KCNK2: variants seen among roughly 807,000 people sequenced by gnomAD.
KCNK2 encodes potassium two pore domain channel subfamily K member 2.
KCNK2 carries 21 observed loss-of-function variants against 40.5 expected under a neutral mutation model. The ratio of observed to expected loss-of-function variants is 0.52; its 90% CI spans 0.37 to 0.75. KCNK2 has a LOEUF of 0.75. Among genes scored for constraint, KCNK2 ranks in the 30% least tolerant of loss-of-function variants. The pLI, the probability that KCNK2 is intolerant of heterozygous loss-of-function variation, is 0.00. For missense variants in KCNK2, 399 were observed against 531.6 expected (o/e 0.75, Z 2.45); for synonymous variants, 191 against 202.2 (o/e 0.94, Z 0.47).
intron 3 of KCNK2, among the ~76,000 whole-genome samples, chr1:215,142,042 A>G (rs1662197012): frequency 2.6e-5 from 4 of 151,862 alleles, no homozygotes; most frequent in Admixed American, 2.6e-4. Flanking sequence ...GAAATCTTTT[A>G]TATTCTGTGA....
intron 5 of KCNK2, among the ~76,000 whole-genome samples, chr1:215,184,765 A>G (rs1664361469): frequency 6.6e-6 from 1 of 152,184 alleles, no homozygotes; most frequent in African/African-American, 2.4e-5. Context: ...GATTATGGGA[A>G]CTACAATTCA....
chr1:215,219,789 T>G (rs538333816), intron 6 of KCNK2, among the ~76,000 whole-genome samples: 1 of 152,358 alleles, frequency 6.6e-6, no homozygotes, highest in African/African-American at 2.4e-5. Context: ...CGTAATCCAA[T>G]GGGTTATAAT....
intron 2 of KCNK2, among the ~76,000 whole-genome samples, chr1:215,093,218 C>T (rs1265969988): frequency 6.6e-6 from 1 of 151,346 alleles, no homozygotes; most frequent in African/African-American, 2.4e-5. Context: ...CAAAAGATTT[C>T]AAGGATATTT....
chr1:215,195,424 A>G (rs1664824924), intron 6 of KCNK2, among the ~76,000 whole-genome samples: 1 of 151,832 alleles, frequency 6.6e-6, no homozygotes, highest in Non-Finnish European at 1.5e-5. Context: ...TATTCTGTAA[A>G]TAAAAATATA....
At position 215,232,065 on chromosome 1, in the gene KCNK2, A is replaced by G. The variant is rs141692671; in HGVS notation, c.964-2763A>G. ...GGTGGGAACACAGCAAAGCCATATC[A>G]ATACTCATGCCTTTCGACCCAGTGT... is the stretch of plus-strand genomic sequence containing the variant. On this transcript the variant is annotated intron_variant, in intron 6 of 6. Transcript: ENST00000444842. Among the ~76,000 whole-genome samples, 20 of 152,318 alleles carry G rather than the reference A, an allele frequency of 1.3e-4. No individual in the cohort carries two copies. In the East Asian group the frequency reaches 3.3e-3, roughly 25 times the overall value.
chr1:215,157,678 T>G (rs1662993713), intron 3 of KCNK2, among the ~76,000 whole-genome samples: 1 of 152,204 alleles, frequency 6.6e-6, no homozygotes, highest in African/African-American at 2.4e-5. Context: ...CTTAAGGCAA[T>G]GAAGATGCTG....
chr1:215,211,554 T>C (rs965448269), intron 6 of KCNK2, among the ~76,000 whole-genome samples: 1 of 152,114 alleles, frequency 6.6e-6, no homozygotes, highest in Non-Finnish European at 1.5e-5. Context: ...CTACTGGCTG[T>C]CTCTCTTCCT....
Position 215,083,079 on chromosome 1 carries a change from C to G in KCNK2, c.-307C>G, listed in dbSNP as rs1378254104. 7.7e-6 allele frequency: 3 copies of G among 389,520 alleles called. No individual in the cohort carries two copies. The highest frequency in any genetic ancestry group is 1.4e-5 in the Non-Finnish European group (3 of 220,682). 24.1% of individuals were successfully genotyped at this position (389,520 alleles called of 1,614,324 possible). ...CCCGCGCTCTCCGGGTGACCCGGGC[C>G]CGGCAGCAGGCGCGCGCGGGGGCGG... On this transcript the variant is annotated 5_prime_UTR_variant, in exon 1 of 7. Coordinates refer to ENST00000444842, the MANE Select transcript of KCNK2 (RefSeq NM_001017425.3).
In KCNK2 at chr1:215,169,179, A is replaced by C; in HGVS notation, c.476-20A>C. The C allele has an allele frequency of 6.3e-7, 1 of 1,579,272 alleles. No homozygotes were observed. The highest frequency in any genetic ancestry group is 8.6e-7 in the Non-Finnish European group (1 of 1,162,928). ...TTAAACAACTATTATTCATTTGTAAACAATGTAATTTTTTTAAAGGATTTG... is the reference window on the plus strand; with the variant it reads ...TTAAACAACTATTATTCATTTGTAACCAATGTAATTTTTTTAAAGGATTTG... On this transcript the variant is annotated intron_variant, in intron 3 of 6. Transcript: ENST00000444842.
intron 1 of KCNK2, among the ~76,000 whole-genome samples, chr1:215,040,410 C>T (rs538926661): frequency 9.2e-5 from 14 of 152,182 alleles, no homozygotes; most frequent in African/African-American, 3.4e-4. Flanking sequence ...TGAGCCTGGG[C>T]CAGTTTGACT....
intron 1 of KCNK2, among the ~76,000 whole-genome samples, chr1:215,064,963 T>C (rs902450425): frequency 6.6e-6 from 1 of 152,214 alleles, no homozygotes; most frequent in Admixed American, 6.5e-5. Context: ...TAACTGTGTT[T>C]TGTCAAACAG....
intron 2 of KCNK2, among the ~76,000 whole-genome samples, chr1:215,108,647 C>T (rs1019099892): frequency 6.9e-5 from 9 of 129,848 alleles, no homozygotes; most frequent in African/African-American, 2.4e-4. Context: ...TAGTTTCAGG[C>T]CTTATGTTGA....
Position 215,216,854 on chromosome 1 carries a change from T to C in KCNK2, c.964-17974T>C, listed in dbSNP as rs535197379. On this transcript the variant is annotated intron_variant, in intron 6 of 6. Transcript: ENST00000444842. ...CATTTAAAGCACCCAGGAGCCACAA[T>C]GGCAGTGGCTCTGAAGCGCACAGCA... is the stretch of plus-strand genomic sequence containing the variant. Among the ~76,000 whole-genome samples the C allele has an allele frequency of 2.0e-5, 3 of 152,264 alleles. No homozygotes were observed. In the East Asian group the frequency reaches 5.8e-4, roughly 29 times the overall value.
At chr1:215,148,114 TGTTGCCCAGGCGGGA>T (rs1394213847) in intron 3 of KCNK2, among the ~76,000 whole-genome samples, 1 of 146,944 alleles carries the variant, frequency 6.8e-6, no homozygotes, top group Non-Finnish European at 1.5e-5. Flanking sequence ...GGTCTTGCTC[TGTTGCCCAGGCGGGA>T]GATGCAGTGG....
chr1:215,181,872 G>T (rs1045185130), intron 5 of KCNK2, among the ~76,000 whole-genome samples: 3 of 152,206 alleles, frequency 2.0e-5, no homozygotes, highest in Non-Finnish European at 4.4e-5. Flanking sequence ...GGCCACGATA[G>T]GCAGGGCTGG....
chr1:215,218,967 A>G lies in KCNK2; in HGVS notation c.964-15861A>G, dbSNP rs561058764. ...TACAAAACCTTTTTGCTCTCACTAA[A>G]CATTAATAATAGGAGAAATGTGATT... On this transcript the variant is annotated intron_variant, in intron 6 of 6. Coordinates refer to ENST00000444842, the MANE Select transcript of KCNK2 (RefSeq NM_001017425.3). 2.0e-4 allele frequency among the ~76,000 whole-genome samples: 31 copies of G among 152,310 alleles called. No homozygotes were observed. In the East Asian group the frequency reaches 5.2e-3, roughly 26 times the overall value.
At chr1:215,111,929 G>T in intron 2 of KCNK2, among the ~76,000 whole-genome samples, 1 of 109,398 alleles carries the variant, frequency 9.1e-6, no homozygotes, top group Non-Finnish European at 1.8e-5. Context: ...TAGAGATTCT[G>T]TGGGCCTCAA....
At chr1:215,081,165 A>ATGTGTGTGTGTGTGTG (rs34229936), upstream of KCNK2, among the ~76,000 whole-genome samples, 6 of 149,376 alleles carry the variant, frequency 4.0e-5, no homozygotes, top group Non-Finnish European at 7.4e-5. Flanking sequence ...GTACACGCAA[A>ATGTGTGTGTGTGTGTG]TGTGTGTGTG....
In KCNK2 at chr1:215,235,073, G is replaced by A. The variant is rs373465855; in HGVS notation, c.1209G>A (p.Glu403=). ...TCTTGCCTCCCTTACTGAAGACTGA[G>A]AGTATCTATCTGAATGGTTTGACGC... The part of the protein sequence containing the change: ...RDVLPPLLKT[E]SIYLNGLTPH... Residue 403 remains glutamate, a synonymous_variant, in exon 7 of 7, where the codon GAG becomes GAA. Transcript: ENST00000444842. 7 of 1,613,588 alleles carry A rather than the reference G, an allele frequency of 4.3e-6. No individual in the cohort carries two copies. Among genetic ancestry groups the A allele is most frequent in the Non-Finnish European group, 5.9e-6 (7 of 1,179,706 alleles).
Sources: gnomAD v4.1 joint callset for allele counts (sites outside exome capture counted in the v4.1 genomes callset) on GRCh38, gnomAD v4.1.1 for gene constraint, MANE v1.5 for transcripts, NCBI Gene and HGNC (gene_info 2026-07-23, HGNC 2026-07-21) for gene names.